Variants in ME2 observed in about 807,000 individuals in gnomAD.
The protein encoded by ME2 is malic enzyme 2.
In ME2, 60 loss-of-function variants were observed where a neutral mutation model predicts 73.7. The observed-to-expected ratio is 0.81, with a 90% CI of 0.66 to 1.01. The LOEUF is 1.01. ME2 is among the 50% of genes least tolerant of loss of function. The pLI is 0.00. For synonymous variants in ME2, 199 were observed against 236.9 expected, an observed-to-expected ratio of 0.84 and a Z score of 1.47; for missense variants, 594 against 705.5, an observed-to-expected ratio of 0.84 and a Z score of 1.79.
At chr18:50,901,915 GT>G (rs1196498925) in intron 2 of ME2, among the ~76,000 whole-genome samples, 3 of 151,982 alleles carry the variant, frequency 2.0e-5, no homozygotes, top group Admixed American at 6.6e-5. Context: ...TGCTATCTAC[GT>G]TTTTTTCTTT....
At chr18:50,907,018 T>C (rs1165691332) in intron 2 of ME2, among the ~76,000 whole-genome samples, 1 of 152,186 alleles carries the variant, frequency 6.6e-6, no homozygotes, top group African/African-American at 2.4e-5. Flanking sequence ...CCCTGTTGTT[T>C]TTCTCAACTG....
rs1918173200 is a variant in ME2, at chr18:50,949,555, C to G, written c.*2371C>G. The G allele has an allele frequency of 6.6e-6, 1 of 152,166 alleles. No individual in the cohort carries two copies. Among genetic ancestry groups the G allele is most frequent in the Non-Finnish European group, 1.5e-5 (1 of 68,026 alleles). The allele number at this position is 152,166 out of a possible 1,614,324, so 9.4% of individuals were successfully genotyped here. Reference sequence around the variant, plus strand: ...CAAAACAAAATCACGCCTAAACATACTCTCTGTGTGAAATCTTGATTTTAG... The same window carrying G: ...CAAAACAAAATCACGCCTAAACATAGTCTCTGTGTGAAATCTTGATTTTAG... On this transcript the variant is annotated 3_prime_UTR_variant, in exon 16 of 16. Coordinates refer to ENST00000321341, the MANE Select transcript of ME2 (RefSeq NM_002396.5).
intron 1 of ME2, among the ~76,000 whole-genome samples, chr18:50,893,609 G>A (rs1916662464): frequency 6.6e-6 from 1 of 152,176 alleles, no homozygotes; most frequent in Admixed American, 6.5e-5. Flanking sequence ...CTGTCTTACT[G>A]TCTTTTGAAC....
At chr18:50,884,214 A>T (rs1435191849) in intron 1 of ME2, among the ~76,000 whole-genome samples, 2 of 152,028 alleles carry the variant, frequency 1.3e-5, no homozygotes, top group Non-Finnish European at 2.9e-5. Context: ...ATTATCTAAT[A>T]GTTTGAATAA....
At chr18:50,901,111 CT>C (rs946427925) in intron 2 of ME2, among the ~76,000 whole-genome samples, 8 of 152,158 alleles carry the variant, frequency 5.3e-5, no homozygotes, top group Non-Finnish European at 1.2e-4. Flanking sequence ...ATAATTTGCC[CT>C]TTTAGTGCAA....
At chr18:50,895,529 A>G (rs899851962) in intron 1 of ME2, among the ~76,000 whole-genome samples, 1 of 152,190 alleles carries the variant, frequency 6.6e-6, no homozygotes, top group African/African-American at 2.4e-5. Context: ...TACAAGTGGG[A>G]GATGCATACC....
rs1439039390 is a variant in ME2 at position 50,954,180 on chromosome 18, A to G, written c.*6996A>G. 1.3e-5 allele frequency: 2 copies of G among 152,092 alleles called. No individual in the cohort carries two copies. The highest frequency in any genetic ancestry group is 1.9e-4 in the East Asian group (1 of 5,184). The allele number at this position is 152,092 out of a possible 1,614,324, so 9.4% of individuals were successfully genotyped here. On this transcript the variant is annotated 3_prime_UTR_variant, in exon 16 of 16. Transcript: ENST00000321341. ...TAAAAACTTCAGAATTATGTGAATT[A>G]TTTTTTCTCTGTTGTGATATGTTGT...
At chr18:50,936,668 A>G (rs997580080) in intron 13 of ME2, among the ~76,000 whole-genome samples, 2 of 152,288 alleles carry the variant, frequency 1.3e-5, no homozygotes, top group African/African-American at 2.4e-5. Flanking sequence ...GCTCACACCC[A>G]TAATCCCAGC....
intron 13 of ME2, among the ~76,000 whole-genome samples, chr18:50,936,386 G>A (rs765381509): frequency 7.2e-5 from 11 of 152,034 alleles, no homozygotes; most frequent in Non-Finnish European, 1.6e-4. Context: ...TGTTCCTTAG[G>A]GAAAAAGAAA....
chr18:50,947,253 T>A lies in ME2; in HGVS notation c.*69T>A. 1 of 1,477,712 alleles carries A rather than the reference T, an allele frequency of 6.8e-7. No homozygotes were observed. Among genetic ancestry groups the A allele is most frequent in the Non-Finnish European group, 9.2e-7 (1 of 1,083,710 alleles). The allele number at this position is 1,477,712 out of a possible 1,614,324, so 91.5% of individuals were successfully genotyped here. A position where few individuals can be genotyped will look rare whatever the true frequency, so the allele number is the denominator to read the frequency against. On this transcript the variant is annotated 3_prime_UTR_variant, in exon 16 of 16. Coordinates refer to ENST00000321341, the MANE Select transcript of ME2 (RefSeq NM_002396.5). The stretch of plus-strand genomic sequence containing the variant: ...TTTTTTCAGACAAGAAGAGATAATG[T>A]CTTCAGTTTTATGGTGTTTTCTGTG...
intron 5 of ME2, 74 bp downstream of exon 5, chr18:50,916,317 A>G (rs921704214): frequency 2.6e-6 from 3 of 1,171,896 alleles, no homozygotes; most frequent in African/African-American, 1.5e-5. Context: ...CTCCAAGAAC[A>G]GTTTTTCATT....
At chr18:50,941,261 C>CAA (rs35785739) in intron 15 of ME2, among the ~76,000 whole-genome samples, 21 of 89,732 alleles carry the variant, frequency 2.3e-4, no homozygotes, top group Non-Finnish European at 1.7e-4. Context: ...AACTCCATCT[C>CAA]AAAAAAAAAA....
At chr18:50,912,754 A>G (rs1386907682) in intron 3 of ME2, 47 bp from the exon 4 acceptor site, 1 of 1,394,210 alleles carries the variant, frequency 7.2e-7, no homozygotes, top group Admixed American at 2.5e-5. Context: ...AAGACTTTTA[A>G]TGTAATGCAG....
At chr18:50,922,789 T>C (rs1434325028) in intron 10 of ME2, among the ~76,000 whole-genome samples, 1 of 152,206 alleles carries the variant, frequency 6.6e-6, no homozygotes, top group Non-Finnish European at 1.5e-5. Flanking sequence ...CCCTTCATTT[T>C]GAAACTTTGA....
At chr18:50,908,574 T>C (rs1291727682) in intron 3 of ME2, among the ~76,000 whole-genome samples, 1 of 152,208 alleles carries the variant, frequency 6.6e-6, no homozygotes, top group African/African-American at 2.4e-5. Context: ...CCATATATTA[T>C]ATCACCTAAT....
At chr18:50,901,245 A>T (rs1482382334) in intron 2 of ME2, among the ~76,000 whole-genome samples, 1 of 152,234 alleles carries the variant, frequency 6.6e-6, no homozygotes, top group Non-Finnish European at 1.5e-5. Flanking sequence ...CTGCTTATAA[A>T]TGTGTGTAAA....
At chr18:50,888,872 A>G (rs1377932854) in intron 1 of ME2, among the ~76,000 whole-genome samples, 1 of 152,166 alleles carries the variant, frequency 6.6e-6, no homozygotes. Flanking sequence ...TGTCTTTAAA[A>G]AAAATTTTTT....
chr18:50,943,760 C>G (rs1420587694), intron 15 of ME2, among the ~76,000 whole-genome samples: 3 of 152,076 alleles, frequency 2.0e-5, no homozygotes, highest in African/African-American at 7.2e-5. Flanking sequence ...ATATTAAAGC[C>G]AGCTGTACAA....
At position 50,895,777 on chromosome 18, in the gene ME2, C is replaced by T. The variant is rs908385380; in HGVS notation, c.-12-32C>T. On this transcript the variant is annotated intron_variant, in intron 1 of 15. Transcript: ENST00000321341. ...ACATGAAGGCCTATAATATGATTCT[C>T]TTCAGTGGTTTATTTGCTTTGTTTT... is the stretch of plus-strand genomic sequence containing the variant. The T allele has an allele frequency of 4.3e-6, 6 of 1,400,904 alleles. No individual in the cohort carries two copies. In the East Asian group the frequency reaches 6.9e-5, roughly 16 times the overall value. The allele number at this position is 1,400,904 out of a possible 1,614,324, so 86.8% of individuals were successfully genotyped here. A position where few individuals can be genotyped will look rare whatever the true frequency, so the allele number is the denominator to read the frequency against.
Sources: gnomAD v4.1 joint callset for allele counts (sites outside exome capture counted in the v4.1 genomes callset) on GRCh38, gnomAD v4.1.1 for gene constraint, MANE v1.5 for transcripts, NCBI Gene and HGNC (gene_info 2026-07-23, HGNC 2026-07-21) for gene names.